The following MAGI2 variants were observed in gnomAD, a reference collection of about 807,000 sequenced individuals.
The protein encoded by MAGI2 is membrane associated guanylate kinase, WW and PDZ domain containing 2, also known as membrane-associated guanylate kinase, WW and PDZ domain-containing protein 2.
MAGI2 carries 35 observed loss-of-function variants against 133.3 expected under a neutral mutation model. That is an observed-to-expected ratio of 0.26 (90% CI 0.20 to 0.35). The LOEUF is 0.35. MAGI2 is among the 10% of genes least tolerant of loss of function. The pLI, the probability that MAGI2 is intolerant of heterozygous loss-of-function variation, is 1.00. For synonymous variants in MAGI2, 729 were observed against 710.6 expected (o/e 1.03, Z -0.41); for missense variants, 1,636 against 1,863.4 (o/e 0.88, Z 2.25).
intron 1 of MAGI2, among the ~76,000 whole-genome samples, chr7:79,043,416 G>A (rs956525245): frequency 5.3e-5 from 8 of 151,472 alleles, no homozygotes; most frequent in South Asian, 2.1e-4. Context: ...GTTGGTGGGC[G>A]CCTGTAATCC....
At chr7:79,376,912 G>A (rs1390283928) in intron 1 of MAGI2, among the ~76,000 whole-genome samples, 3 of 151,568 alleles carry the variant, frequency 2.0e-5, no homozygotes, top group Non-Finnish European at 4.4e-5. Context: ...AGCTTCCTGT[G>A]TATGTGCTTT....
At chr7:78,312,945 T>C (rs1271031138) in intron 9 of MAGI2, among the ~76,000 whole-genome samples, 2 of 150,972 alleles carry the variant, frequency 1.3e-5, no homozygotes, top group Non-Finnish European at 3.0e-5. Context: ...TTTATATATA[T>C]GTGTATATAG....
chr7:78,940,899 A>T (rs1484150969), intron 2 of MAGI2: 1 of 152,244 alleles, frequency 6.6e-6, no homozygotes, highest in Non-Finnish European at 1.5e-5. Flanking sequence ...GAAGTGGATT[A>T]TAAAGCTATT....
chr7:79,048,358 A>T (rs1333212633), intron 1 of MAGI2, among the ~76,000 whole-genome samples: 2 of 152,236 alleles, frequency 1.3e-5, no homozygotes, highest in South Asian at 2.1e-4. Context: ...CACACAGTTT[A>T]CTTGAGGAAC....
At chr7:78,101,306 C>T (rs1254347033) in intron 20 of MAGI2, among the ~76,000 whole-genome samples, 1 of 152,078 alleles carries the variant, frequency 6.6e-6, no homozygotes, top group African/African-American at 2.4e-5. Context: ...AATTATATTA[C>T]AAGGTTATAG....
chr7:78,181,327 C>T (rs757961420), intron 13 of MAGI2, among the ~76,000 whole-genome samples: 51 of 152,154 alleles, frequency 3.4e-4, no homozygotes, highest in Non-Finnish European at 6.3e-4. Context: ...CTGGTAGACA[C>T]CTATTTGGAC....
intron 4 of MAGI2, among the ~76,000 whole-genome samples, chr7:78,503,391 C>T (rs990508236): frequency 6.6e-6 from 1 of 152,024 alleles, no homozygotes; most frequent in African/African-American, 2.4e-5. Context: ...CATCCAAAAT[C>T]TCATCTTGAA....
At chr7:79,199,918 G>A (rs551559543) in intron 1 of MAGI2, among the ~76,000 whole-genome samples, 1 of 152,018 alleles carries the variant, frequency 6.6e-6, no homozygotes, top group African/African-American at 2.4e-5. Context: ...ATGTTACACA[G>A]CCTAGTTTTT....
At chr7:79,381,454 T>C (rs1843774024) in intron 1 of MAGI2, among the ~76,000 whole-genome samples, 1 of 151,758 alleles carries the variant, frequency 6.6e-6, no homozygotes. Context: ...TATAGAGACA[T>C]TTCTAGTTCT....
chr7:78,651,843 T>C (rs551269972), intron 2 of MAGI2, among the ~76,000 whole-genome samples: 1 of 152,010 alleles, frequency 6.6e-6, no homozygotes, highest in Admixed American at 6.6e-5. Context: ...TTCTCTGAAA[T>C]GTAAAAGTAG....
chr7:79,257,615 T>C (rs1401627070), intron 1 of MAGI2, among the ~76,000 whole-genome samples: 1 of 152,214 alleles, frequency 6.6e-6, no homozygotes, highest in Non-Finnish European at 1.5e-5. Flanking sequence ...TCACCACTTT[T>C]AGTGATTAGA....
intron 21 of MAGI2, among the ~76,000 whole-genome samples, chr7:78,024,626 C>A (rs1007517626): frequency 6.6e-6 from 1 of 152,172 alleles, no homozygotes. Flanking sequence ...ACTTTCACCG[C>A]CCTAATTCAA....
intron 2 of MAGI2, among the ~76,000 whole-genome samples, chr7:78,858,887 T>A (rs1352740924): frequency 6.6e-6 from 1 of 152,140 alleles, no homozygotes. Context: ...TCTTTGTAGG[T>A]CTCTAAGGAC....
intron 10 of MAGI2, among the ~76,000 whole-genome samples, chr7:78,207,967 T>C (rs113278850): frequency 1.0e-3 from 158 of 152,090 alleles, no homozygotes; most frequent in South Asian, 2.1e-3. Context: ...GCCTCCCAGG[T>C]TCAAGCAGTT....
chr7:78,258,993 G>A (rs558733001), intron 9 of MAGI2, among the ~76,000 whole-genome samples: 2 of 152,262 alleles, frequency 1.3e-5, no homozygotes, highest in Admixed American at 6.5e-5. Flanking sequence ...CACTCTGATC[G>A]GTAGTGTGTT....
At chr7:78,985,028 G>C (rs1392125010) in intron 2 of MAGI2, among the ~76,000 whole-genome samples, 4 of 145,930 alleles carry the variant, frequency 2.7e-5, no homozygotes, top group Non-Finnish European at 6.0e-5. Flanking sequence ...ATGAGTTTGG[G>C]TCTTGTTCTG....
chr7:79,063,201 C>G (rs1813942124), intron 1 of MAGI2, among the ~76,000 whole-genome samples: 1 of 152,080 alleles, frequency 6.6e-6, no homozygotes, highest in South Asian at 2.1e-4. Flanking sequence ...GCAATCTGCT[C>G]TTCCAACAGT....
At chr7:79,337,885 G>A (rs1471384934) in intron 1 of MAGI2, among the ~76,000 whole-genome samples, 2 of 152,086 alleles carry the variant, frequency 1.3e-5, no homozygotes, top group East Asian at 1.9e-4. Context: ...TCAGACATCC[G>A]TGTATGCTTG....
At chr7:78,324,012 T>TATTTGG (rs1317382181) in intron 9 of MAGI2, among the ~76,000 whole-genome samples, 1 of 152,038 alleles carries the variant, frequency 6.6e-6, no homozygotes, top group African/African-American at 2.4e-5. Context: ...CTAACCAGAG[T>TATTTGG]ATTTGGATAT....
Sources: allele counts gnomAD v4.1 joint callset (sites outside exome capture counted in the v4.1 genomes callset), GRCh38; gene constraint gnomAD v4.1.1; transcripts MANE v1.5; gene names NCBI Gene and HGNC (gene_info 2026-07-23, HGNC 2026-07-21).